COG6: variants seen among roughly 807,000 people sequenced by gnomAD.
The protein encoded by COG6 is conserved oligomeric Golgi complex subunit 6.
A neutral mutation model predicts 88.8 loss-of-function variants in COG6; 74 were observed. The observed-to-expected ratio is 0.83, with a 90% CI of 0.69 to 1.01. COG6 has a LOEUF of 1.01. COG6 is among the 50% of genes least tolerant of loss of function. The pLI is 0.00. For missense variants in COG6, 800 were observed against 797.9 expected, an observed-to-expected ratio of 1.00 and a Z score of -0.03; for synonymous variants, 286 against 278.7, an observed-to-expected ratio of 1.03 and a Z score of -0.26.
In COG6 at chr13:39,763,812, G is replaced by A. The variant is rs561423821; in HGVS notation, c.1827-24523G>A. Among the ~76,000 whole-genome samples, 4 of 151,772 alleles carry A rather than the reference G, an allele frequency of 2.6e-5. No homozygotes were observed. In the East Asian group the frequency reaches 7.7e-4, roughly 29 times the overall value. On this transcript the variant is annotated intron_variant, in intron 18 of 18. Transcript: ENST00000416691. ...TTTTATATATCTTTTTATTTTATATGATAACACTTCATTTAGGATTTTTAC... is the reference window on the plus strand; with the variant it reads ...TTTTATATATCTTTTTATTTTATATAATAACACTTCATTTAGGATTTTTAC...
At chr13:39,728,568 G>C (rs1305788456) in intron 18 of COG6, among the ~76,000 whole-genome samples, 1 of 148,496 alleles carries the variant, frequency 6.7e-6, no homozygotes, top group Non-Finnish European at 1.5e-5. Context: ...CCTTTATATT[G>C]TATTATTCTA....
At chr13:39,664,948 C>T (rs1875154234) in intron 3 of COG6, 148 bp from the exon 4 acceptor site, 2 of 610,564 alleles carry the variant, frequency 3.3e-6, no homozygotes, top group Admixed American at 2.8e-5. Context: ...AGCCTTGAAA[C>T]ATCTACGTAT....
intron 8 of COG6, among the ~76,000 whole-genome samples, chr13:39,685,567 A>G (rs1022517406): frequency 5.9e-5 from 9 of 152,160 alleles, no homozygotes; most frequent in African/African-American, 2.2e-4. Context: ...CTAGAAACAA[A>G]TTATGCTGTT....
intron 16 of COG6, among the ~76,000 whole-genome samples, chr13:39,724,281 G>T (rs931280264): frequency 6.6e-6 from 1 of 151,886 alleles, no homozygotes; most frequent in African/African-American, 2.4e-5. Context: ...GAAGTATCAT[G>T]ATATTTCTGT....
intron 18 of COG6, 36 bp downstream of exon 18, chr13:39,727,584 T>G: frequency 7.1e-7 from 1 of 1,401,966 alleles, no homozygotes; most frequent in Non-Finnish European, 1.0e-6. Flanking sequence ...TGGTAAAGAT[T>G]CACATATTTT....
intron 15 of COG6, among the ~76,000 whole-genome samples, chr13:39,721,721 G>C (rs1297046247): frequency 6.6e-6 from 1 of 152,086 alleles, no homozygotes; most frequent in Non-Finnish European, 1.5e-5. Context: ...TTGGGTAAAG[G>C]AGTCTTGATT....
intron 8 of COG6, among the ~76,000 whole-genome samples, chr13:39,687,004 C>T (rs1003957700): frequency 6.6e-6 from 1 of 152,026 alleles, no homozygotes; most frequent in African/African-American, 2.4e-5. Flanking sequence ...GCTAGGATTG[C>T]AGGTGTGAAC....
intron 18 of COG6, among the ~76,000 whole-genome samples, chr13:39,746,188 G>A (rs1335677575): frequency 3.3e-5 from 5 of 151,004 alleles, no homozygotes; most frequent in South Asian, 4.2e-4. Context: ...CCTATGTAAC[G>A]AACTGGCATG....
At chr13:39,741,773 G>A (rs1050870311) in intron 18 of COG6, among the ~76,000 whole-genome samples, 3 of 151,754 alleles carry the variant, frequency 2.0e-5, no homozygotes, top group African/African-American at 7.3e-5. Context: ...GATACTCCTC[G>A]AGAAAAGCAA....
intron 18 of COG6, among the ~76,000 whole-genome samples, chr13:39,731,948 G>T (rs1879475970): frequency 6.6e-6 from 1 of 152,150 alleles, no homozygotes; most frequent in Non-Finnish European, 1.5e-5. Context: ...GGAGAACCTG[G>T]AATTCTTATG....
chr13:39,726,026 G>A (rs1879118145), intron 17 of COG6, among the ~76,000 whole-genome samples: 1 of 151,776 alleles, frequency 6.6e-6, no homozygotes, highest in Admixed American at 6.6e-5. Flanking sequence ...TCATGTTCCT[G>A]GTGTTAATTT....
chr13:39,688,536 C>T (rs1876799945), intron 10 of COG6, among the ~76,000 whole-genome samples: 1 of 152,106 alleles, frequency 6.6e-6, no homozygotes. Flanking sequence ...TTAAGCAACG[C>T]TGACTATTGT....
At chr13:39,691,516 A>G (rs533481268) in intron 11 of COG6, among the ~76,000 whole-genome samples, 127 of 152,098 alleles carry the variant, frequency 8.3e-4, no homozygotes, top group African/African-American at 2.9e-3. Flanking sequence ...CAGAAACTTC[A>G]AATCTTTCCA....
At chr13:39,695,179 C>T (rs546211412) in intron 12 of COG6, among the ~76,000 whole-genome samples, 2 of 151,656 alleles carry the variant, frequency 1.3e-5, no homozygotes, top group Middle Eastern at 3.4e-3. Context: ...ATGAAATGTT[C>T]TATTCTGGAT....
At chr13:39,656,739 T>A in intron 1 of COG6, 1 of 426,512 alleles carries the variant, frequency 2.3e-6, no homozygotes, top group Non-Finnish European at 4.7e-6. Flanking sequence ...ATTAGGGCTC[T>A]GGAGACTACC....
chr13:39,722,642 A>ATTT (rs1288585480), intron 15 of COG6, among the ~76,000 whole-genome samples: 1 of 150,668 alleles, frequency 6.6e-6, no homozygotes, highest in African/African-American at 2.4e-5. Context: ...AAAGAACAAG[A>ATTT]TTTTTTCTCA....
At chr13:39,735,669 G>A (rs1879700028) in intron 18 of COG6, among the ~76,000 whole-genome samples, 2 of 146,038 alleles carry the variant, frequency 1.4e-5, no homozygotes, top group South Asian at 4.2e-4. Flanking sequence ...ACTCTCTTTA[G>A]CATTTCTTGT....
intron 18 of COG6, among the ~76,000 whole-genome samples, chr13:39,734,782 A>G (rs1423760482): frequency 2.0e-5 from 3 of 152,212 alleles, no homozygotes; most frequent in African/African-American, 4.8e-5. Context: ...GGGTGCTCCA[A>G]TGTTGGGTGC....
chr13:39,788,642 TA>T (rs1344367435), exon 19 of COG6: 2 of 423,126 alleles, frequency 4.7e-6, no homozygotes, highest in Non-Finnish European at 4.3e-6. Flanking sequence ...TGCAAAGCAC[TA>T]AAATGGTGTC....
Sources: allele counts gnomAD v4.1 joint callset (sites outside exome capture counted in the v4.1 genomes callset), GRCh38; gene constraint gnomAD v4.1.1; transcripts MANE v1.5; gene names NCBI Gene and HGNC (gene_info 2026-07-23, HGNC 2026-07-21).